Variants in EDIL3 observed in about 807,000 individuals in gnomAD.
EDIL3 encodes the protein EGF-like repeat and discoidin I-like domain-containing protein 3.
In EDIL3, 37 loss-of-function variants were observed where a neutral mutation model predicts 67.4. That is an observed-to-expected ratio of 0.55 (90% CI 0.42 to 0.72). EDIL3 has a LOEUF of 0.72. Among genes scored for constraint, EDIL3 ranks in the 30% least tolerant of loss-of-function variants. The pLI is 0.00. For missense variants in EDIL3, 527 were observed against 586.3 expected, an observed-to-expected ratio of 0.90 and a Z score of 1.04; for synonymous variants, 195 against 196.3, an observed-to-expected ratio of 0.99 and a Z score of 0.05.
chr5:83,953,211 CTAAAGAATGTATCATT>C (rs1468089156), intron 10 of EDIL3, among the ~76,000 whole-genome samples: 3 of 151,772 alleles, frequency 2.0e-5, no homozygotes, highest in Non-Finnish European at 4.4e-5. Flanking sequence ...TATACTTATA[CTAAAGAATGTATCATT>C]TATCTGAATT....
At chr5:84,167,055 G>C (rs866357935) in intron 4 of EDIL3, among the ~76,000 whole-genome samples, 3 of 152,070 alleles carry the variant, frequency 2.0e-5, no homozygotes, top group Admixed American at 6.6e-5. Flanking sequence ...TGAAACCATG[G>C]GAGATTTTAA....
chr5:84,216,100 G>C (rs1427973404), intron 3 of EDIL3, among the ~76,000 whole-genome samples: 1 of 152,152 alleles, frequency 6.6e-6, no homozygotes, highest in Non-Finnish European at 1.5e-5. Flanking sequence ...TTTAAATGAA[G>C]CTAAAAAGAC....
At chr5:84,359,320 A>C (rs1361393074) in intron 1 of EDIL3, among the ~76,000 whole-genome samples, 2 of 152,246 alleles carry the variant, frequency 1.3e-5, no homozygotes, top group African/African-American at 4.8e-5. Context: ...ACATTTGGTC[A>C]GATAAGTATT....
chr5:84,307,181 A>G (rs1746289384), intron 1 of EDIL3, among the ~76,000 whole-genome samples: 1 of 152,212 alleles, frequency 6.6e-6, no homozygotes, highest in Non-Finnish European at 1.5e-5. Context: ...ATAGGAGAGA[A>G]GTAGGGTTAG....
chr5:84,340,524 CTCTCTCTCTCTATATA>C (rs1747083259), intron 1 of EDIL3, among the ~76,000 whole-genome samples: 2 of 71,680 alleles, frequency 2.8e-5, no homozygotes, highest in South Asian at 1.2e-3. Flanking sequence ...CTCTCTCTCT[CTCTCTCTCTCTATATA>C]TATATATATA....
intron 9 of EDIL3, among the ~76,000 whole-genome samples, chr5:84,034,372 T>G (rs1331882667): frequency 6.6e-6 from 1 of 152,220 alleles, no homozygotes; most frequent in African/African-American, 2.4e-5. Flanking sequence ...TGTGTGATTT[T>G]TTTTTATTTT....
chr5:84,021,282 A>G (rs892208533), intron 9 of EDIL3, among the ~76,000 whole-genome samples: 4 of 148,796 alleles, frequency 2.7e-5, no homozygotes, highest in African/African-American at 9.9e-5. Context: ...TTATTTCTTG[A>G]TTTTCTAGTT....
chr5:84,238,665 G>GTTTTTTTTTTTTTTT (rs3046880), intron 2 of EDIL3, among the ~76,000 whole-genome samples: 1 of 101,106 alleles, frequency 9.9e-6, no homozygotes, highest in Non-Finnish European at 1.8e-5. Context: ...AAAATTAAAT[G>GTTTTTTTTTTTTTTT]TTTTTTTTTT....
chr5:84,242,186 C>T (rs894628429), intron 2 of EDIL3, among the ~76,000 whole-genome samples: 13 of 151,134 alleles, frequency 8.6e-5, no homozygotes, highest in Non-Finnish European at 1.3e-4. Flanking sequence ...GAGCCGAGAT[C>T]ACGCCACTGC....
At chr5:84,130,335 G>A (rs2112307532) in intron 5 of EDIL3, among the ~76,000 whole-genome samples, 1 of 152,242 alleles carries the variant, frequency 6.6e-6, no homozygotes, top group Admixed American at 6.5e-5. Context: ...TTTAGAGGGT[G>A]AAACAATTTG....
chr5:84,196,539 T>G (rs1177334109), intron 3 of EDIL3, among the ~76,000 whole-genome samples: 3 of 152,052 alleles, frequency 2.0e-5, no homozygotes, highest in Non-Finnish European at 2.9e-5. Flanking sequence ...GTTTCTCTCC[T>G]GTGTTGTGTT....
At chr5:84,133,927 C>G (rs1015203273) in intron 5 of EDIL3, among the ~76,000 whole-genome samples, 1 of 151,872 alleles carries the variant, frequency 6.6e-6, no homozygotes, top group Non-Finnish European at 1.5e-5. Context: ...CTTAACTCCC[C>G]TATAAGTATA....
rs936874714 is a variant in EDIL3, at chr5:84,080,328, A to G, written c.652-13722T>C. ...AAAAAAAAAAAAAATTAACTCAAAT[A>G]TAACTAGTCCTAGTGGCTACAGTAG... is the stretch of plus-strand genomic sequence containing the variant. On this transcript the variant is annotated intron_variant, in intron 6 of 10. Coordinates refer to ENST00000296591, the MANE Select transcript of EDIL3 (RefSeq NM_005711.5). Among the ~76,000 whole-genome samples, 4 of 144,640 alleles carry G rather than the reference A, an allele frequency of 2.8e-5. No homozygotes were observed. In the Admixed American group the frequency reaches 2.8e-4, roughly 10 times the overall value. 94.9% of individuals were successfully genotyped at this position (144,640 alleles called of 152,430 possible). A position where few individuals can be genotyped will look rare whatever the true frequency, so the allele number is the denominator to read the frequency against.
intron 1 of EDIL3, among the ~76,000 whole-genome samples, chr5:84,261,770 CCT>C (rs147238635): frequency 0.011 from 1,700 of 152,200 alleles, 33 homozygotes; most frequent in African/African-American, 0.039. Context: ...AACAAAGAAA[CCT>C]CTTAGACTTA....
intron 1 of EDIL3, among the ~76,000 whole-genome samples, chr5:84,344,780 A>T (rs1043906908): frequency 3.9e-5 from 6 of 152,148 alleles, no homozygotes; most frequent in African/African-American, 1.4e-4. Flanking sequence ...AGCTACTAGA[A>T]ATTTTAAAAC....
chr5:84,344,623 A>C (rs909824187), intron 1 of EDIL3, among the ~76,000 whole-genome samples: 1 of 152,212 alleles, frequency 6.6e-6, no homozygotes, highest in Admixed American at 6.5e-5. Flanking sequence ...ACCAGTTTAC[A>C]AATATTTAGA....
chr5:83,976,392 A>G (rs1275794628), intron 9 of EDIL3, among the ~76,000 whole-genome samples: 1 of 151,892 alleles, frequency 6.6e-6, no homozygotes, highest in Non-Finnish European at 1.5e-5. Context: ...TTCAAGAGGG[A>G]AATAATAATA....
At chr5:84,057,738 T>C (rs888754549) in intron 9 of EDIL3, among the ~76,000 whole-genome samples, 4 of 152,096 alleles carry the variant, frequency 2.6e-5, no homozygotes, top group African/African-American at 4.8e-5. Flanking sequence ...CAAACTTATA[T>C]GCTATGTTGG....
chr5:83,960,053 T>TA (rs1336768878), intron 10 of EDIL3, among the ~76,000 whole-genome samples: 1 of 151,150 alleles, frequency 6.6e-6, no homozygotes, highest in East Asian at 2.0e-4. Flanking sequence ...ACTGAATTTT[T>TA]ATCTACAGTT....
Sources: gnomAD v4.1 joint callset for allele counts (sites outside exome capture counted in the v4.1 genomes callset) on GRCh38, gnomAD v4.1.1 for gene constraint, MANE v1.5 for transcripts, NCBI Gene and HGNC (gene_info 2026-07-23, HGNC 2026-07-21) for gene names.